GGH: variants seen among roughly 807,000 people sequenced by gnomAD.
GGH encodes gamma-Glu-X carboxypeptidase.
GGH carries 18 observed loss-of-function variants against 39.2 expected under a neutral mutation model. The ratio of observed to expected loss-of-function variants is 0.46; its 90% CI spans 0.32 to 0.68. The LOEUF (loss-of-function observed/expected upper bound fraction) is 0.68, where lower values mean the gene tolerates loss of function less well. Ranked by LOEUF, GGH falls within the 30% of genes least tolerant of loss-of-function variation. The pLI is 0.04. For synonymous variants in GGH, 147 were observed against 138.8 expected (o/e 1.06, Z -0.42); for missense variants, 367 against 384.1 (o/e 0.96, Z 0.37).
intron 2 of GGH, 38 bp from the exon 3 acceptor site, chr8:63,030,255 T>A: frequency 9.9e-7 from 1 of 1,010,140 alleles, no homozygotes; most frequent in Non-Finnish European, 1.6e-6. Context: ...TTTGTGAAAC[T>A]TAGAAGTAAA....
chr8:63,029,505 A>G (rs954650628), intron 3 of GGH, among the ~76,000 whole-genome samples: 3 of 152,158 alleles, frequency 2.0e-5, no homozygotes, highest in Non-Finnish European at 4.4e-5. Context: ...CTAAGTCTTC[A>G]TGCAAGGTGG....
At chr8:63,023,124 T>C (rs941176388) in intron 7 of GGH, among the ~76,000 whole-genome samples, 1 of 152,176 alleles carries the variant, frequency 6.6e-6, no homozygotes, top group African/African-American at 2.4e-5. Flanking sequence ...AAAAAAACTA[T>C]TTACATTTGC....
chr8:63,026,429 A>T, intron 4 of GGH, 133 bp from the exon 5 acceptor site: 2 of 681,022 alleles, frequency 2.9e-6, no homozygotes, highest in Non-Finnish European at 5.0e-6. Flanking sequence ...AGGATCCATA[A>T]GTAGGCTATC....
In GGH at chr8:63,024,127, C is replaced by T. The variant is rs989496297; in HGVS notation, c.559G>A (p.Val187Ile). 6.2e-7 allele frequency: 1 copy of T among 1,611,958 alleles called. No individual in the cohort carries two copies. Among genetic ancestry groups the T allele is most frequent in the Non-Finnish European group, 8.5e-7 (1 of 1,178,190 alleles). The change falls in exon 6 of 9, where the codon GTA (valine) becomes ATA (isoleucine). Residue 187 changes from valine (V) to isoleucine (I), a missense_variant. Val to Ile is a conservative substitution (Grantham distance 29). Transcript: ENST00000260118. Reference sequence around the variant, plus strand: ...TGGAAATTGGCAGTCAGAGGTTCTACTGCTAATGACAGCAACAACTCAGTA... The same window carrying T: ...TGGAAATTGGCAGTCAGAGGTTCTATTGCTAATGACAGCAACAACTCAGTA... ...FPTELLLSLA[V>I]EPLTANFHKW...
intron 7 of GGH, among the ~76,000 whole-genome samples, chr8:63,019,969 G>A (rs1804557724): frequency 6.6e-6 from 1 of 152,212 alleles, no homozygotes. Flanking sequence ...CTTTAGGGAT[G>A]AACTAAAAGG....
intron 5 of GGH, chr8:63,024,400 T>C: frequency 2.3e-6 from 1 of 429,012 alleles, no homozygotes; most frequent in Non-Finnish European, 4.1e-6. Flanking sequence ...AGTAATCTTC[T>C]TCTAGAATTT....
At chr8:63,022,025 TTTATA>T (rs1804596453) in intron 7 of GGH, among the ~76,000 whole-genome samples, 1 of 152,164 alleles carries the variant, frequency 6.6e-6, no homozygotes, top group Non-Finnish European at 1.5e-5. Context: ...ACAGCTTTAC[TTTATA>T]TAAGCTAGAC....
At chr8:63,016,164 C>A (rs189576723) in intron 8 of GGH, among the ~76,000 whole-genome samples, 1 of 152,128 alleles carries the variant, frequency 6.6e-6, no homozygotes, top group Non-Finnish European at 1.5e-5. Context: ...CAGGCTCTTA[C>A]GGCATTTTCA....
chr8:63,030,108 C>T (rs1804775825), intron 3 of GGH, 59 bp downstream of exon 3: 2 of 739,578 alleles, frequency 2.7e-6, no homozygotes, highest in Non-Finnish European at 4.8e-6. Context: ...ATTTCTTTTA[C>T]AAAAGCAGAC....
chr8:63,031,873 C>T (rs1217556442), intron 2 of GGH, among the ~76,000 whole-genome samples: 1 of 152,184 alleles, frequency 6.6e-6, no homozygotes, highest in African/African-American at 2.4e-5. Flanking sequence ...AACGAAATGG[C>T]TTAAGCCTGG....
chr8:63,029,061 T>C (rs910525227), intron 3 of GGH, among the ~76,000 whole-genome samples: 1 of 152,164 alleles, frequency 6.6e-6, no homozygotes, highest in Non-Finnish European at 1.5e-5. Flanking sequence ...AGGCAAATAA[T>C]TTTCTAAACA....
intron 1 of GGH, among the ~76,000 whole-genome samples, chr8:63,036,280 C>A (rs73270509): frequency 1.3e-5 from 2 of 152,160 alleles, no homozygotes; most frequent in Admixed American, 1.3e-4. Context: ...AGAAACCCCC[C>A]CAAGCTCCAA....
chr8:63,015,604 CTTT>C (rs540829610), intron 8 of GGH, 151 bp from the exon 9 acceptor site: 1 of 335,122 alleles, frequency 3.0e-6, no homozygotes, highest in Non-Finnish European at 5.3e-6. Context: ...GAACAGCCAT[CTTT>C]TTTTTTCTTT....
At chr8:63,032,414 A>G (rs1804823421) in intron 2 of GGH, among the ~76,000 whole-genome samples, 1 of 152,136 alleles carries the variant, frequency 6.6e-6, no homozygotes, top group South Asian at 2.1e-4. Flanking sequence ...CCTGTATGCT[A>G]CCTCTGAGGA....
At chr8:63,023,485 A>G (rs1224528723) in intron 7 of GGH, 1 of 153,356 alleles carries the variant, frequency 6.5e-6, no homozygotes, top group African/African-American at 2.4e-5. Flanking sequence ...CACTGGTTTA[A>G]ATATTCCACT....
chr8:63,021,800 A>G (rs1804591076), intron 7 of GGH, among the ~76,000 whole-genome samples: 1 of 150,572 alleles, frequency 6.6e-6, no homozygotes, highest in African/African-American at 2.5e-5. Context: ...CAGCCTCCCA[A>G]GTAGCTGGGA....
At chr8:63,022,932 T>C (rs956593697) in intron 7 of GGH, among the ~76,000 whole-genome samples, 1 of 152,228 alleles carries the variant, frequency 6.6e-6, no homozygotes, top group Non-Finnish European at 1.5e-5. Flanking sequence ...TATTATACTT[T>C]ATCTCATAAT....
At chr8:63,017,003 T>C (rs973357477) in intron 8 of GGH, among the ~76,000 whole-genome samples, 1 of 151,788 alleles carries the variant, frequency 6.6e-6, no homozygotes, top group Non-Finnish European at 1.5e-5. Context: ...AAATGGAGAG[T>C]AATGGGGAAG....
At chr8:63,025,112 A>G (rs904382805) in intron 5 of GGH, 6 of 152,210 alleles carry the variant, frequency 3.9e-5, no homozygotes, top group African/African-American at 1.4e-4. Flanking sequence ...ACAGAGTGAT[A>G]TCACTAAGAA....
Sources: allele counts gnomAD v4.1 joint callset (sites outside exome capture counted in the v4.1 genomes callset), GRCh38; gene constraint gnomAD v4.1.1; transcripts MANE v1.5; gene names NCBI Gene and HGNC (gene_info 2026-07-23, HGNC 2026-07-21).